RAPGEF5: variants seen among roughly 807,000 people sequenced by gnomAD.
The protein encoded by RAPGEF5 is M-Ras-regulated GEF.
RAPGEF5 carries 65 observed loss-of-function variants against 125.2 expected under a neutral mutation model. The ratio of observed to expected loss-of-function variants is 0.52; its 90% CI spans 0.43 to 0.64. RAPGEF5 has a LOEUF of 0.64. Ranked by LOEUF, RAPGEF5 falls within the 30% of genes least tolerant of loss-of-function variation. RAPGEF5 has a pLI of 0.00. For synonymous variants in RAPGEF5, 391 were observed against 385.9 expected (o/e 1.01, Z -0.16); for missense variants, 958 against 1,048.1 (o/e 0.91, Z 1.19).
At chr7:22,143,686 C>A (rs1409467881) in intron 20 of RAPGEF5, among the ~76,000 whole-genome samples, 1 of 152,234 alleles carries the variant, frequency 6.6e-6, no homozygotes, top group Non-Finnish European at 1.5e-5. Context: ...CAAATAGATT[C>A]AAAGGCAACT....
chr7:22,156,830 G>A lies in RAPGEF5; in HGVS notation c.1616C>T (p.Thr539Ile). ...CTCACTTTCCTCCGTTTCAGTCACA[G>A]TTCCTCTATGCTGGAGCCAGTTCTC... ...LKENWLQHRG[T>I]VTETEEIFCH... The change falls in exon 16 of 26, where the codon ACT (threonine) becomes ATT (isoleucine). Residue 539 changes from threonine to isoleucine, a missense_variant. Thr to Ile is a moderately conservative substitution (Grantham distance 89). Transcript: ENST00000665637. 1 of 1,613,934 alleles carries A rather than the reference G, an allele frequency of 6.2e-7. No homozygotes were observed. The highest frequency in any genetic ancestry group is 8.5e-7 in the Non-Finnish European group (1 of 1,179,860).
In RAPGEF5 at chr7:22,351,443, T is replaced by C. The variant is rs1475446864; in HGVS notation, c.231+5387A>G. ...ATAGACCCTTTGCCCTCTCAATGCA[T>C]TTGAGGAAAACTAAAGTTAATTCAG... On this transcript the variant is annotated intron_variant, in intron 1 of 25. Transcript: ENST00000665637. Among the ~76,000 whole-genome samples the C allele has an allele frequency of 2.6e-5, 4 of 152,146 alleles. No individual in the cohort carries two copies. In the East Asian group the frequency reaches 7.7e-4, roughly 29 times the overall value.
intron 6 of RAPGEF5, among the ~76,000 whole-genome samples, chr7:22,285,668 A>AGAGTACTGTG (rs1782780202): frequency 6.6e-6 from 1 of 152,256 alleles, no homozygotes; most frequent in Non-Finnish European, 1.5e-5. Context: ...GAAAGGCTGT[A>AGAGTACTGTG]GATAGAGTAC....
At chr7:22,138,901 T>G (rs1783165699) in intron 21 of RAPGEF5, among the ~76,000 whole-genome samples, 1 of 152,258 alleles carries the variant, frequency 6.6e-6, no homozygotes, top group African/African-American at 2.4e-5. Flanking sequence ...CCTACTCTAA[T>G]GAATCGTGGC....
At chr7:22,217,954 C>T (rs1346488441) in intron 9 of RAPGEF5, among the ~76,000 whole-genome samples, 1 of 151,998 alleles carries the variant, frequency 6.6e-6, no homozygotes, top group Non-Finnish European at 1.5e-5. Flanking sequence ...ATTATCAGCC[C>T]CAATGTAGAT....
intron 7 of RAPGEF5, among the ~76,000 whole-genome samples, chr7:22,237,554 C>T (rs1294472330): frequency 6.6e-6 from 1 of 151,766 alleles, no homozygotes; most frequent in East Asian, 1.9e-4. Flanking sequence ...CTTCATTCAT[C>T]CTGATTGCTT....
chr7:22,177,792 G>C (rs540888260), intron 11 of RAPGEF5, among the ~76,000 whole-genome samples: 1 of 152,318 alleles, frequency 6.6e-6, no homozygotes, highest in South Asian at 2.1e-4. Context: ...CTAAGTCCCA[G>C]CCCTGGTTCT....
intron 5 of RAPGEF5, among the ~76,000 whole-genome samples, chr7:22,296,874 C>A (rs1185658965): frequency 6.6e-6 from 1 of 152,126 alleles, no homozygotes; most frequent in Non-Finnish European, 1.5e-5. Context: ...AAAACTGCTT[C>A]CAGGACATGA....
intron 11 of RAPGEF5, among the ~76,000 whole-genome samples, chr7:22,188,637 G>A (rs146328997): frequency 1.3e-4 from 19 of 151,954 alleles, no homozygotes; most frequent in South Asian, 4.2e-4. Context: ...ATGGTGGTGC[G>A]CATCCGTAGT....
intron 9 of RAPGEF5, among the ~76,000 whole-genome samples, chr7:22,215,549 G>A (rs1348143463): frequency 6.6e-6 from 1 of 152,226 alleles, no homozygotes; most frequent in Non-Finnish European, 1.5e-5. Context: ...ATAGTTGGGA[G>A]CCACCATAGT....
intron 9 of RAPGEF5, among the ~76,000 whole-genome samples, chr7:22,208,621 G>A (rs796187767): frequency 2.0e-5 from 3 of 152,152 alleles, no homozygotes; most frequent in East Asian, 1.9e-4. Flanking sequence ...CCTTCACTGG[G>A]TCTTCCACAG....
chr7:22,151,779 G>C (rs996061484), intron 17 of RAPGEF5, among the ~76,000 whole-genome samples: 1 of 151,994 alleles, frequency 6.6e-6, no homozygotes, highest in South Asian at 2.1e-4. Context: ...ATTACTTTTG[G>C]TAAGTTTACT....
intron 3 of RAPGEF5, among the ~76,000 whole-genome samples, chr7:22,311,020 A>C (rs1783456704): frequency 6.6e-6 from 1 of 152,136 alleles, no homozygotes; most frequent in Non-Finnish European, 1.5e-5. Flanking sequence ...TTATGAGAAA[A>C]GATCATGAAA....
At chr7:22,230,099 G>C (rs1786021671) in intron 8 of RAPGEF5, among the ~76,000 whole-genome samples, 1 of 152,166 alleles carries the variant, frequency 6.6e-6, no homozygotes, top group Non-Finnish European at 1.5e-5. Flanking sequence ...TGTCCCACTA[G>C]TAATTTAAGG....
intron 9 of RAPGEF5, 23 bp from the exon 10 acceptor site, chr7:22,194,056 T>C (rs6965394): frequency 0.078 from 123,902 of 1,579,210 alleles, 5,326 homozygotes; most frequent in Middle Eastern, 0.1. Context: ...ACAGGGATGA[T>C]GGATGAGAGA....
intron 9 of RAPGEF5, among the ~76,000 whole-genome samples, chr7:22,200,997 G>C (rs973031793): frequency 9.8e-5 from 15 of 152,346 alleles, no homozygotes; most frequent in African/African-American, 3.4e-4. Context: ...GGTTGTGAAA[G>C]TGTTTAATGA....
At chr7:22,338,396 T>G (rs1784064243) in intron 1 of RAPGEF5, among the ~76,000 whole-genome samples, 1 of 152,266 alleles carries the variant, frequency 6.6e-6, no homozygotes, top group African/African-American at 2.4e-5. Context: ...AAGTATTTTC[T>G]GTTATTTTAT....
Position 22,177,167 on chromosome 7 carries a change from G to A in RAPGEF5, c.1205-10019C>T, listed in dbSNP as rs561351586. ...CCTCTGCCATGGAGAATGGAAAGTT[G>A]TTCACAGAGCTTGGGAATCTGATTG... On this transcript the variant is annotated intron_variant, in intron 11 of 25. Coordinates refer to ENST00000665637, the MANE Select transcript of RAPGEF5 (RefSeq NM_012294.5). Among the ~76,000 whole-genome samples, 4 of 152,272 alleles carry A rather than the reference G, an allele frequency of 2.6e-5. No individual in the cohort carries two copies. In the South Asian group the frequency reaches 8.3e-4, roughly 32 times the overall value.
In RAPGEF5 at chr7:22,215,323, A is replaced by G. The variant is rs1362159; in HGVS notation, c.996+4543T>C. Among the ~76,000 whole-genome samples, 1,373 of 152,316 alleles carry G rather than the reference A, an allele frequency of 9.0e-3. 30 individuals carry two copies. Among genetic ancestry groups the G allele is most frequent in the African/African-American group, 0.032 (1,315 of 41,570 alleles). On this transcript the variant is annotated intron_variant, in intron 9 of 25. Coordinates refer to ENST00000665637, the MANE Select transcript of RAPGEF5 (RefSeq NM_012294.5). ...TTCCCACTAGGAATACTCTTCTTCAATGTGGATTCTTTAAATCCAACCCAA... is the reference window on the plus strand; with the variant it reads ...TTCCCACTAGGAATACTCTTCTTCAGTGTGGATTCTTTAAATCCAACCCAA...
Sources: gnomAD v4.1 joint callset for allele counts (sites outside exome capture counted in the v4.1 genomes callset) on GRCh38, gnomAD v4.1.1 for gene constraint, MANE v1.5 for transcripts, NCBI Gene and HGNC (gene_info 2026-07-23, HGNC 2026-07-21) for gene names.